ZNF536: variants seen among roughly 807,000 people sequenced by gnomAD.
The protein encoded by ZNF536 is zinc finger protein 536.
In ZNF536, 13 loss-of-function variants were observed where a neutral mutation model predicts 84.5. That is an observed-to-expected ratio of 0.15 (90% CI 0.10 to 0.24). The LOEUF is 0.24. ZNF536 is among the 10% of genes least tolerant of loss of function. The pLI is 1.00. For synonymous variants in ZNF536, 811 were observed against 742.5 expected, an observed-to-expected ratio of 1.09 and a Z score of -1.50; for missense variants, 1,536 against 1,747.5, an observed-to-expected ratio of 0.88 and a Z score of 2.16.
chr19:30,276,608 G>A (rs1297885816), intron 1 of ZNF536, among the ~76,000 whole-genome samples: 1 of 152,072 alleles, frequency 6.6e-6, no homozygotes, highest in East Asian at 1.9e-4. Flanking sequence ...ATAGTTGCCC[G>A]TGATTACCCA....
chr19:30,619,096 AT>A (rs2048395724), intron 1 of ZNF536, among the ~76,000 whole-genome samples: 1 of 152,094 alleles, frequency 6.6e-6, no homozygotes, highest in Non-Finnish European at 1.5e-5. Context: ...CCACCACGTA[AT>A]TTCTCATCCC....
At position 30,444,787 on chromosome 19, in the gene ZNF536, C is replaced by G. The variant is rs2148198347; in HGVS notation, c.1225C>G (p.Pro409Ala). 1 of 1,613,906 alleles carries G rather than the reference C, an allele frequency of 6.2e-7. No individual in the cohort carries two copies. Among genetic ancestry groups the G allele is most frequent in the Non-Finnish European group, 8.5e-7 (1 of 1,180,038 alleles). Reference sequence around the variant, plus strand: ...GGTGAAGAACAAGTCCCCCAGCGACCCCGAGGTGCCTGTGCCCATGGGCGG... The same window carrying G: ...GGTGAAGAACAAGTCCCCCAGCGACGCCGAGGTGCCTGTGCCCATGGGCGG... Reference protein sequence around the residue: ...LSVKNKSPSDPEVPVPMGGMS... With the variant: ...LSVKNKSPSDAEVPVPMGGMS... The change falls in exon 2 of 5, where the codon CCC (proline) becomes GCC (alanine). Residue 409 changes from proline to alanine, a missense_variant. Pro to Ala is a conservative substitution (Grantham distance 27). Around this residue, in one of 8 missense-constraint regions of ZNF536, gnomAD observed 366 missense variants for 364.4 expected, o/e 1.00. Coordinates refer to ENST00000355537, the MANE Select transcript of ZNF536 (RefSeq NM_014717.3).
At chr19:30,283,572 C>T (rs1023892781) in intron 1 of ZNF536, among the ~76,000 whole-genome samples, 1 of 152,212 alleles carries the variant, frequency 6.6e-6, no homozygotes, top group African/African-American at 2.4e-5. Flanking sequence ...GATTCCCATT[C>T]TGTATCCACT....
chr19:30,571,426 G>C (rs2046541356), intron 1 of ZNF536, among the ~76,000 whole-genome samples: 1 of 152,192 alleles, frequency 6.6e-6, no homozygotes. Context: ...TAGGGGTCAA[G>C]ATGCCCAAAG....
intron 1 of ZNF536, among the ~76,000 whole-genome samples, chr19:30,400,059 C>T (rs990882886): frequency 2.0e-5 from 3 of 152,102 alleles, no homozygotes; most frequent in Non-Finnish European, 4.4e-5. Context: ...ATTAAGAATT[C>T]ATTCCTTTAT....
At chr19:30,669,657 T>C (rs2050468638) in intron 1 of ZNF536, among the ~76,000 whole-genome samples, 2 of 152,176 alleles carry the variant, frequency 1.3e-5, no homozygotes, top group Admixed American at 1.3e-4. Flanking sequence ...AAGGCTCCAC[T>C]TTCCCTAAAA....
intron 1 of ZNF536, among the ~76,000 whole-genome samples, chr19:30,708,469 T>A (rs1193058848): frequency 6.6e-6 from 1 of 152,192 alleles, no homozygotes; most frequent in African/African-American, 2.4e-5. Context: ...CCATGAAAGA[T>A]CTGGGGCAAA....
rs185600048 is a variant in ZNF536, at chr19:30,284,748, C to T, written c.-120+607C>T. 9.8e-5 allele frequency among the ~76,000 whole-genome samples: 15 copies of T among 152,336 alleles called. No homozygotes were observed. The East Asian group carries it at 2.5e-3, about 25-fold the overall frequency. On this transcript the variant is annotated intron_variant, in intron 2 of 5. Coordinates refer to the ZNF536 transcript ENST00000585628. ...CCTGATATCTCTGTTAACTCACCCTCGGTTGTAATTAGCCCAGCCCACCTT... is the reference window on the plus strand; with the variant it reads ...CCTGATATCTCTGTTAACTCACCCTTGGTTGTAATTAGCCCAGCCCACCTT...
intron 1 of ZNF536, among the ~76,000 whole-genome samples, chr19:30,394,748 A>G (rs979351821): frequency 1.3e-5 from 2 of 152,138 alleles, no homozygotes; most frequent in Non-Finnish European, 2.9e-5. Context: ...ATCACCATTT[A>G]TGAACTGGAC....
chr19:30,471,951 T>C (rs975796663), intron 2 of ZNF536, among the ~76,000 whole-genome samples: 3 of 152,218 alleles, frequency 2.0e-5, no homozygotes, highest in African/African-American at 7.2e-5. Context: ...ATTTACCAAA[T>C]GCTACATGAG....
At chr19:30,314,279 C>T (rs1466611655) in intron 2 of ZNF536, among the ~76,000 whole-genome samples, 2 of 152,162 alleles carry the variant, frequency 1.3e-5, no homozygotes, top group Non-Finnish European at 2.9e-5. Context: ...TCGAGCGGGG[C>T]GGTGCGGGCT....
At chr19:30,651,640 T>C (rs187031775) in intron 1 of ZNF536, among the ~76,000 whole-genome samples, 1 of 152,314 alleles carries the variant, frequency 6.6e-6, no homozygotes, top group Admixed American at 6.5e-5. Context: ...TGTTATCAAC[T>C]CTCCAATTTC....
intron 2 of ZNF536, among the ~76,000 whole-genome samples, chr19:30,287,491 T>C (rs2045675784): frequency 6.6e-6 from 1 of 150,836 alleles, no homozygotes; most frequent in Admixed American, 6.6e-5. Flanking sequence ...GATGGGTGGA[T>C]GGATGAATAG....
chr19:30,485,767 G>A (rs1475483584), intron 2 of ZNF536, among the ~76,000 whole-genome samples: 1 of 152,088 alleles, frequency 6.6e-6, no homozygotes, highest in African/African-American at 2.4e-5. Flanking sequence ...TATAAGCTTT[G>A]TAAAGTAGAA....
intron 1 of ZNF536, among the ~76,000 whole-genome samples, chr19:30,601,314 A>T (rs1247802860): frequency 6.6e-6 from 1 of 152,192 alleles, no homozygotes; most frequent in Non-Finnish European, 1.5e-5. Context: ...CAGTGAACAT[A>T]CAAAACCACG....
chr19:30,496,901 G>A (rs527461535), intron 2 of ZNF536, among the ~76,000 whole-genome samples: 4 of 152,304 alleles, frequency 2.6e-5, no homozygotes, highest in African/African-American at 9.6e-5. Flanking sequence ...GTGCTGGCAT[G>A]GCATCCTTCT....
At chr19:30,447,925 G>T (rs183122227) in intron 2 of ZNF536, among the ~76,000 whole-genome samples, 1 of 152,152 alleles carries the variant, frequency 6.6e-6, no homozygotes, top group Non-Finnish European at 1.5e-5. Flanking sequence ...CATTAATGAC[G>T]TGTTTACCGT....
At chr19:30,569,559 CTTTTTTTTTTTTTT>C (rs34995610) in intron 1 of ZNF536, among the ~76,000 whole-genome samples, 5 of 55,094 alleles carry the variant, frequency 9.1e-5, no homozygotes, top group South Asian at 6.0e-4. Context: ...GATAAACGTT[CTTTTTTTTTTTTTT>C]TTTTTTTTTT....
intron 2 of ZNF536, among the ~76,000 whole-genome samples, chr19:30,297,913 C>T (rs530212176): frequency 7.8e-5 from 11 of 141,786 alleles, no homozygotes; most frequent in Admixed American, 2.2e-4. Context: ...TCCCCCCCCC[C>T]TCTGTCGCCC....
Sources: gnomAD v4.1 joint callset for allele counts (sites outside exome capture counted in the v4.1 genomes callset) on GRCh38, gnomAD v4.1.1 for gene constraint, gnomAD v4.1.1 regional missense constraint, MANE v1.5 for transcripts, NCBI Gene and HGNC (gene_info 2026-07-23, HGNC 2026-07-21) for gene names.